Variants in LINGO2 observed in about 807,000 individuals in gnomAD.
LINGO2 encodes leucine rich repeat and Ig domain containing 2.
A neutral mutation model predicts 30.6 loss-of-function variants in LINGO2; 14 were observed. The ratio of observed to expected loss-of-function variants is 0.46; its 90% CI spans 0.30 to 0.72. LINGO2 has a LOEUF of 0.72. Among genes scored for constraint, LINGO2 ranks in the 30% least tolerant of loss-of-function variants. The probability of loss-of-function intolerance (pLI) is 0.07; values close to 1 mark genes in which losing one functional copy is unlikely to be tolerated. For missense variants in LINGO2, 729 were observed against 751.7 expected (o/e 0.97, Z 0.35); for synonymous variants, 317 against 288.5 (o/e 1.10, Z -1.00).
At chr9:28,105,866 C>A (rs1304630900) in intron 4 of LINGO2, among the ~76,000 whole-genome samples, 2 of 152,090 alleles carry the variant, frequency 1.3e-5, no homozygotes, top group Non-Finnish European at 2.9e-5. Context: ...TCTCGGATTT[C>A]TGGCCTATGG....
intron 4 of LINGO2, among the ~76,000 whole-genome samples, chr9:28,094,773 T>C (rs1193403018): frequency 1.3e-5 from 2 of 151,740 alleles, no homozygotes; most frequent in African/African-American, 4.8e-5. Context: ...AAAGTAGGAC[T>C]CCTCTGTACC....
At chr9:27,975,960 A>G (rs934698308) in intron 5 of LINGO2, among the ~76,000 whole-genome samples, 1 of 152,130 alleles carries the variant, frequency 6.6e-6, no homozygotes, top group Non-Finnish European at 1.5e-5. Flanking sequence ...ACAAGTGTCT[A>G]TTAGGCCTCA....
intron 3 of LINGO2, among the ~76,000 whole-genome samples, chr9:28,309,640 A>C (rs1266757891): frequency 6.6e-6 from 1 of 152,078 alleles, no homozygotes; most frequent in Non-Finnish European, 1.5e-5. Flanking sequence ...TTACTATTAA[A>C]GAAAAAATTT....
At chr9:29,203,276 A>G in the LINGO2 span, among the ~76,000 whole-genome samples, 1 of 152,160 alleles carries the variant, frequency 6.6e-6, no homozygotes, top group Non-Finnish European at 1.5e-5. Context: ...ATCAATTAAA[A>G]CCATGTACAG....
intron 1 of LINGO2, among the ~76,000 whole-genome samples, chr9:28,537,438 A>C (rs2135448548): frequency 6.6e-6 from 1 of 152,268 alleles, no homozygotes; most frequent in East Asian, 1.9e-4. Context: ...GCTTTCCAAA[A>C]ACTAATTTAA....
At chr9:28,816,923 T>C in the LINGO2 span, among the ~76,000 whole-genome samples, 1 of 152,192 alleles carries the variant, frequency 6.6e-6, no homozygotes, top group Non-Finnish European at 1.5e-5. Flanking sequence ...TTTTTTCCAA[T>C]TCCCTAATGT....
At chr9:29,107,073 G>A in the LINGO2 span, among the ~76,000 whole-genome samples, 5 of 152,108 alleles carry the variant, frequency 3.3e-5, no homozygotes, top group Non-Finnish European at 4.4e-5. Flanking sequence ...GCTCTTACAT[G>A]TAATACTATC....
At chr9:29,015,380 T>C in the LINGO2 span, among the ~76,000 whole-genome samples, 1 of 152,190 alleles carries the variant, frequency 6.6e-6, no homozygotes, top group Non-Finnish European at 1.5e-5. Flanking sequence ...GCATTGCTTT[T>C]ACATCAGGAG....
chr9:29,065,846 G>A, the LINGO2 span, among the ~76,000 whole-genome samples: 1 of 151,908 alleles, frequency 6.6e-6, no homozygotes, highest in Non-Finnish European at 1.5e-5. Context: ...CTGTAGAAAT[G>A]TTCTGTAAAA....
chr9:27,985,932 A>T (rs1490043451), intron 5 of LINGO2, among the ~76,000 whole-genome samples: 1 of 151,860 alleles, frequency 6.6e-6, no homozygotes, highest in Admixed American at 6.6e-5. Context: ...GAGGATTTTC[A>T]ATTTCCTCTC....
the LINGO2 span, among the ~76,000 whole-genome samples, chr9:29,199,166 T>G: frequency 6.6e-6 from 1 of 152,210 alleles, no homozygotes; most frequent in Admixed American, 6.5e-5. Context: ...GACTGCAGTG[T>G]CTAAAGGAAA....
chr9:29,185,507 T>A, the LINGO2 span, among the ~76,000 whole-genome samples: 1 of 152,170 alleles, frequency 6.6e-6, no homozygotes, highest in East Asian at 1.9e-4. Context: ...AGTTAATTAA[T>A]GCTTAAGGAA....
chr9:29,079,352 A>G, the LINGO2 span, among the ~76,000 whole-genome samples: 1 of 152,022 alleles, frequency 6.6e-6, no homozygotes, highest in East Asian at 1.9e-4. Context: ...ATAAAAGGAA[A>G]CAATGAGAAC....
intron 4 of LINGO2, among the ~76,000 whole-genome samples, chr9:28,190,540 T>C (rs1819787326): frequency 6.6e-6 from 1 of 152,196 alleles, no homozygotes; most frequent in African/African-American, 2.4e-5. Flanking sequence ...GAGAGTTCTC[T>C]CGTTTCTTCT....
In LINGO2 at chr9:28,130,420, A is replaced by G. The variant is rs1827349756; in HGVS notation, c.-86-118015T>C. Reference sequence around the variant, plus strand: ...TTGGGAGACAGTGCCAGACTGCTAAACTTTAAGTTCTTTTTCTTCCCAATT... The same window carrying G: ...TTGGGAGACAGTGCCAGACTGCTAAGCTTTAAGTTCTTTTTCTTCCCAATT... On this transcript the variant is annotated intron_variant, in intron 4 of 5. Transcript: ENST00000379992. This position sits in a 1 kb window ranked among gnomAD's most constrained non-coding sequence, Gnocchi z 5.2. Among the ~76,000 whole-genome samples the G allele has an allele frequency of 6.6e-6, 1 of 152,174 alleles. No homozygotes were observed. The highest frequency in any genetic ancestry group is 2.1e-4 in the South Asian group (1 of 4,836).
At chr9:28,795,387 G>A in the LINGO2 span, among the ~76,000 whole-genome samples, 2 of 152,134 alleles carry the variant, frequency 1.3e-5, no homozygotes, top group African/African-American at 2.4e-5. Context: ...ATGACAGTAG[G>A]AAGAGCCCAG....
At chr9:29,024,370 T>C in the LINGO2 span, among the ~76,000 whole-genome samples, 1 of 152,102 alleles carries the variant, frequency 6.6e-6, no homozygotes, top group Non-Finnish European at 1.5e-5. Context: ...TATTCATCAT[T>C]TCATTACTAG....
At chr9:28,199,568 G>GATC (rs1820152717) in intron 4 of LINGO2, among the ~76,000 whole-genome samples, 1 of 152,050 alleles carries the variant, frequency 6.6e-6, no homozygotes, top group South Asian at 2.1e-4. Context: ...TCGATCTCCT[G>GATC]ATCTTGTGAT....
chr9:28,672,283 A>G (rs1829049809), upstream of LINGO2, among the ~76,000 whole-genome samples: 1 of 152,146 alleles, frequency 6.6e-6, no homozygotes, highest in Non-Finnish European at 1.5e-5. Context: ...TTGCAGCATC[A>G]TTGCTTTCCT....
Sources: gnomAD v4.1 joint callset for allele counts (sites outside exome capture counted in the v4.1 genomes callset) on GRCh38, gnomAD v4.1.1 for gene constraint, Gnocchi (gnomAD v3.1) non-coding constraint, MANE v1.5 for transcripts, NCBI Gene and HGNC (gene_info 2026-07-23, HGNC 2026-07-21) for gene names.